Variants in TFRC observed in about 807,000 individuals in gnomAD.
TFRC encodes the protein transferrin receptor.
TFRC carries 35 observed loss-of-function variants against 85.8 expected under a neutral mutation model. The ratio of observed to expected loss-of-function variants is 0.41; its 90% CI spans 0.31 to 0.54. The LOEUF (loss-of-function observed/expected upper bound fraction) is 0.54, where lower values mean the gene tolerates loss of function less well. TFRC is among the 20% of genes least tolerant of loss of function. The pLI, the probability that TFRC is intolerant of heterozygous loss-of-function variation, is 0.31. For synonymous variants in TFRC, 362 were observed against 328.6 expected, an observed-to-expected ratio of 1.10 and a Z score of -1.10; for missense variants, 828 against 921.5, an observed-to-expected ratio of 0.90 and a Z score of 1.31.
intron 2 of TFRC, among the ~76,000 whole-genome samples, chr3:196,076,145 AAAAAT>A (rs887201003): frequency 2.0e-5 from 3 of 151,992 alleles, no homozygotes; most frequent in Non-Finnish European, 2.9e-5. Context: ...CTCCATCTCA[AAAAAT>A]AAAATAAAAA....
intron 6 of TFRC, among the ~76,000 whole-genome samples, chr3:196,069,851 T>C (rs1718042803): frequency 6.6e-6 from 1 of 152,236 alleles, no homozygotes; most frequent in Non-Finnish European, 1.5e-5. Flanking sequence ...CTATGTAGGC[T>C]GGTCATGGGA....
At position 196,072,027 on chromosome 3, in the gene TFRC, A is replaced by G. The variant is rs753727174; in HGVS notation, c.560T>C (p.Phe187Ser). The stretch of plus-strand genomic sequence containing the variant: ...CCTGTCTTTGACCTGAATCTTAACA[A>G]AATGTTGATCACGCCAGACTTTGCT... ...KLSKVWRDQH[F>S]VKIQVKDSAQ... is the part of the protein sequence containing the mutation. The change falls in exon 5 of 19, where the codon TTT becomes TCT. Residue 187 changes from phenylalanine (F) to serine (S), a missense_variant. Transcript: ENST00000360110. 2 of 1,613,386 alleles carry G rather than the reference A, an allele frequency of 1.2e-6. No homozygotes were observed. The highest frequency in any genetic ancestry group is 1.7e-6 in the Non-Finnish European group (2 of 1,179,814).
chr3:196,052,825 AAAG>A (rs1716446669), intron 18 of TFRC, among the ~76,000 whole-genome samples: 1 of 152,102 alleles, frequency 6.6e-6, no homozygotes, highest in South Asian at 2.1e-4. Flanking sequence ...TTAAAATTCT[AAAG>A]GAGGCTAGGC....
chr3:196,071,934 CT>C lies in TFRC; in HGVS notation c.584+68del, dbSNP rs550922051. The C allele has an allele frequency of 9.1e-5, 140 of 1,538,196 alleles. 1 individual carries two copies. In the South Asian group the frequency reaches 1.6e-3, roughly 18 times the overall value. On this transcript the variant is annotated intron_variant, in intron 5 of 18. Transcript: ENST00000360110. ...AAAGCCAACAACACTAACAAAAAGT[CT>C]TTGCTATATTTAGCACACCTGAAAA...
rs1010303349 is a variant in TFRC at position 196,067,927 on chromosome 3, G to GA, written c.900+104dup. On this transcript the variant is annotated intron_variant, in intron 8 of 18. Transcript: ENST00000360110. The stretch of plus-strand genomic sequence containing the variant: ...CTTGCTTACTGCTAACGCCCTCCCA[G>GA]AAAAAAGAGCAGTTAAGGAAGACAC... 5.3e-5 allele frequency: 50 copies of GA among 942,546 alleles called. No homozygotes were observed. The African/African-American group carries it at 7.3e-4, about 14-fold the overall frequency. The allele number at this position is 942,546 out of a possible 1,614,324, so 58.4% of individuals were successfully genotyped here.
In TFRC at chr3:196,072,089, C is replaced by T. The variant is rs372473096; in HGVS notation, c.498G>A (p.Ala166=). 24 of 1,614,026 alleles carry T rather than the reference C, an allele frequency of 1.5e-5. No homozygotes were observed. In the Admixed American group the frequency reaches 2.3e-4, roughly 16 times the overall value. ...EAGSQKDENL[A]LYVENQFREF... ...CACGAAATTGATTTTCAACATACAA[C>T]GCAAGATTTTCATCTTTTTGAGATC... Residue 166 remains alanine (A), a synonymous_variant, in exon 5 of 19, where the codon GCG becomes GCA. Coordinates refer to ENST00000360110, the MANE Select transcript of TFRC (RefSeq NM_001128148.3).
At position 196,051,305 on chromosome 3, in the gene TFRC, T is replaced by C. The variant is rs1716284831; in HGVS notation, c.*637A>G. ...AAGTCTTTGGCTTCTGGTCCCCTCTTTTCATAAATGACACTGAGGTTAACA... is the reference window on the plus strand; with the variant it reads ...AAGTCTTTGGCTTCTGGTCCCCTCTCTTCATAAATGACACTGAGGTTAACA... On this transcript the variant is annotated 3_prime_UTR_variant, in exon 19 of 19. Transcript: ENST00000360110. The C allele has an allele frequency of 4.5e-6, 1 of 220,198 alleles. No homozygotes were observed. The highest frequency in any genetic ancestry group is 5.8e-5 in the Admixed American group (1 of 17,314). 13.6% of individuals were successfully genotyped at this position (220,198 alleles called of 1,614,324 possible).
chr3:196,056,547 G>A (rs918238507), intron 16 of TFRC, among the ~76,000 whole-genome samples: 2 of 150,892 alleles, frequency 1.3e-5, no homozygotes, highest in African/African-American at 4.9e-5. Flanking sequence ...TTATAGGCAT[G>A]TGCCACCATG....
At chr3:196,068,642 C>T (rs1232282978) in intron 7 of TFRC, among the ~76,000 whole-genome samples, 3 of 77,104 alleles carry the variant, frequency 3.9e-5, no homozygotes, top group East Asian at 8.1e-4. Context: ...AAAAGAATAA[C>T]AAAGGCCAGG....
At position 196,051,686 on chromosome 3, in the gene TFRC, A is replaced by C; in HGVS notation, c.*256T>G. 1 of 463,000 alleles carries C rather than the reference A, an allele frequency of 2.2e-6. No individual in the cohort carries two copies. The highest frequency in any genetic ancestry group is 3.1e-5 in the South Asian group (1 of 32,450). The allele number at this position is 463,000 out of a possible 1,614,324, so 28.7% of individuals were successfully genotyped here. A position where few individuals can be genotyped will look rare whatever the true frequency, so the allele number is the denominator to read the frequency against. ...CAACAGGAAAGAGGCAGTTCCCATT[A>C]CAAAGCACTTAAAATTCTAGAGATA... On this transcript the variant is annotated 3_prime_UTR_variant, in exon 19 of 19. Transcript: ENST00000360110.
chr3:196,054,057 T>A (rs1716568374), intron 17 of TFRC, among the ~76,000 whole-genome samples: 1 of 151,934 alleles, frequency 6.6e-6, no homozygotes, highest in Non-Finnish European at 1.5e-5. Context: ...GCCAACATGG[T>A]AAAACCCCGG....
At chr3:196,057,349 G>A (rs1374073778) in intron 16 of TFRC, among the ~76,000 whole-genome samples, 3 of 152,160 alleles carry the variant, frequency 2.0e-5, no homozygotes, top group African/African-American at 7.2e-5. Flanking sequence ...CGTACCCCCT[G>A]CTTGCCCAAT....
chr3:196,065,431 G>GT lies in TFRC; in HGVS notation c.1198+11_1198+12insA. 4 of 468,610 alleles carry GT rather than the reference G, an allele frequency of 8.5e-6. No homozygotes were observed. The highest frequency in any genetic ancestry group is 1.2e-5 in the Non-Finnish European group (4 of 338,930). 29.0% of individuals were successfully genotyped at this position (468,610 alleles called of 1,614,324 possible). Reference sequence around the variant, plus strand: ...AAAAAGCGGGGCGGGGGGGGGGGGGGGCGGTCTTTACCTGGTTCTACAAAG... The same window carrying GT: ...AAAAAGCGGGGCGGGGGGGGGGGGGGTGCGGTCTTTACCTGGTTCTACAAAG... On this transcript the variant is annotated intron_variant, in intron 10 of 18. Transcript: ENST00000360110.
In TFRC at chr3:196,071,987, C is replaced by T. The variant is rs557672210; in HGVS notation, c.584+16G>A. On this transcript the variant is annotated intron_variant, in intron 5 of 18. Transcript: ENST00000360110. ...AGCTACTTGTATAAAAATAAGTTTA[C>T]CATCTTTCAACATACCTGTCTTTGA... 13 of 1,603,128 alleles carry T rather than the reference C, an allele frequency of 8.1e-6. No individual in the cohort carries two copies. The South Asian group carries it at 1.0e-4, about 12-fold the overall frequency.
intron 7 of TFRC, 38 bp from the exon 8 acceptor site, chr3:196,068,168 T>C (rs1468917154): frequency 3.3e-6 from 5 of 1,495,284 alleles, no homozygotes; most frequent in Non-Finnish European, 1.9e-6. Flanking sequence ...AATGAAGATC[T>C]GATCATACGA....
chr3:196,075,031 G>C, intron 3 of TFRC, 128 bp downstream of exon 3: 1 of 855,658 alleles, frequency 1.2e-6, no homozygotes, highest in Non-Finnish European at 1.7e-6. Context: ...AGGCAAGAGA[G>C]TAAGCCTCTG....
Position 196,050,028 on chromosome 3 carries a change from G to T in TFRC, c.*1914C>A, listed in dbSNP as rs1476597538. ...ATACCTACATTTAATTGATCACCAC[G>T]AATGGGTAGGCAGACGTGTCAGACC... On this transcript the variant is annotated 3_prime_UTR_variant, in exon 19 of 19. Coordinates refer to ENST00000360110, the MANE Select transcript of TFRC (RefSeq NM_001128148.3). 4.3e-6 allele frequency: 1 copy of T among 231,176 alleles called. No homozygotes were observed. The highest frequency in any genetic ancestry group is 8.6e-6 in the Non-Finnish European group (1 of 116,856). 14.3% of individuals were successfully genotyped at this position (231,176 alleles called of 1,614,324 possible). A position where few individuals can be genotyped will look rare whatever the true frequency, so the allele number is the denominator to read the frequency against.
At chr3:196,065,994 A>AAAAAC (rs1193488369) in intron 9 of TFRC, among the ~76,000 whole-genome samples, 1 of 150,234 alleles carries the variant, frequency 6.7e-6, no homozygotes, top group East Asian at 1.9e-4. Context: ...TGTCTCAAAA[A>AAAAAC]AAAACAAAAC....
chr3:196,055,479 C>T (rs1716703934), intron 16 of TFRC, 178 bp from the exon 17 acceptor site: 1 of 618,416 alleles, frequency 1.6e-6, no homozygotes, highest in Non-Finnish European at 2.9e-6. Context: ...ATTCTTGCTA[C>T]TTCTCTCAAG....
Sources: allele counts gnomAD v4.1 joint callset (sites outside exome capture counted in the v4.1 genomes callset), GRCh38; gene constraint gnomAD v4.1.1; transcripts MANE v1.5; gene names NCBI Gene and HGNC (gene_info 2026-07-23, HGNC 2026-07-21).